The following LRIG1 variants were observed in gnomAD, a reference collection of about 807,000 sequenced individuals.
LRIG1 encodes leucine-rich repeats and immunoglobulin-like domains protein 1.
A neutral mutation model predicts 99.2 loss-of-function variants in LRIG1; 48 were observed. That is an observed-to-expected ratio of 0.48 (90% CI 0.38 to 0.62). The LOEUF (loss-of-function observed/expected upper bound fraction) is 0.62, where lower values mean the gene tolerates loss of function less well. Among genes scored for constraint, LRIG1 ranks in the 20% least tolerant of loss-of-function variants. The pLI, the probability that LRIG1 is intolerant of heterozygous loss-of-function variation, is 0.00. For synonymous variants in LRIG1, 772 were observed against 596.1 expected (o/e 1.29, Z -4.30); for missense variants, 1,646 against 1,434.4 (o/e 1.15, Z -2.38).
At chr3:66,381,732 T>C in intron 16 of LRIG1, 101 bp from the exon 17 acceptor site, 1 of 1,345,942 alleles carries the variant, frequency 7.4e-7, no homozygotes, top group Admixed American at 2.1e-5. Flanking sequence ...TCATTTTTTT[T>C]AAAAAGTTCT....
At chr3:66,391,129 G>C (rs902901617) in intron 12 of LRIG1, among the ~76,000 whole-genome samples, 1 of 152,092 alleles carries the variant, frequency 6.6e-6, no homozygotes, top group Non-Finnish European at 1.5e-5. Flanking sequence ...TTACACTCAC[G>C]AGTACATCCA....
intron 3 of LRIG1, among the ~76,000 whole-genome samples, chr3:66,423,706 T>C (rs1702890662): frequency 6.6e-6 from 1 of 152,226 alleles, no homozygotes; most frequent in African/African-American, 2.4e-5. Flanking sequence ...CTTCCTGCTG[T>C]GGAACATGGC....
intron 1 of LRIG1, among the ~76,000 whole-genome samples, chr3:66,483,058 C>T (rs541607078): frequency 6.6e-6 from 1 of 152,130 alleles, no homozygotes; most frequent in Non-Finnish European, 1.5e-5. Context: ...AGCACCCCCT[C>T]CAGCACCCCC....
chr3:66,496,028 A>T (rs1335981449), intron 1 of LRIG1, among the ~76,000 whole-genome samples: 1 of 152,194 alleles, frequency 6.6e-6, no homozygotes, highest in Non-Finnish European at 1.5e-5. Flanking sequence ...AGCTGGGGAG[A>T]TGGGACATGA....
At chr3:66,444,778 C>T (rs1178337638) in intron 3 of LRIG1, among the ~76,000 whole-genome samples, 2 of 152,116 alleles carry the variant, frequency 1.3e-5, no homozygotes. Flanking sequence ...CCAGAAGAAA[C>T]AATCAGTTCA....
At chr3:66,412,807 A>G (rs896984060) in intron 6 of LRIG1, 64 bp downstream of exon 6, 2 of 1,583,786 alleles carry the variant, frequency 1.3e-6, no homozygotes, top group African/African-American at 1.3e-5. Context: ...ACACACACAC[A>G]CGCCACATCA....
intron 3 of LRIG1, among the ~76,000 whole-genome samples, chr3:66,420,725 A>G (rs1401052879): frequency 6.6e-6 from 1 of 152,226 alleles, no homozygotes; most frequent in South Asian, 2.1e-4. Flanking sequence ...TATGTGAGGT[A>G]GCTAGAGTAG....
At chr3:66,401,507 G>C in intron 9 of LRIG1, 2 of 734,884 alleles carry the variant, frequency 2.7e-6, no homozygotes. Context: ...AATGAGGGCA[G>C]GCTGTTATTT....
chr3:66,409,849 C>G, intron 7 of LRIG1: 1 of 334,356 alleles, frequency 3.0e-6, no homozygotes, highest in Non-Finnish European at 5.5e-6. Flanking sequence ...CCAAACCCAA[C>G]AGGACCTTGG....
intron 6 of LRIG1, among the ~76,000 whole-genome samples, chr3:66,412,328 G>C (rs1370855165): frequency 6.6e-6 from 1 of 152,214 alleles, no homozygotes; most frequent in Non-Finnish European, 1.5e-5. Context: ...GAGAGGATGT[G>C]AGGAGGGGTC....
intron 8 of LRIG1, chr3:66,406,112 A>C (rs1162911246): frequency 1.0e-6 from 1 of 985,452 alleles, no homozygotes; most frequent in African/African-American, 1.7e-5. Flanking sequence ...TCCTGTGAGA[A>C]GCTGCAGCAG....
At chr3:66,480,951 T>C (rs1348279306) in intron 1 of LRIG1, among the ~76,000 whole-genome samples, 1 of 152,180 alleles carries the variant, frequency 6.6e-6, no homozygotes, top group East Asian at 1.9e-4. Context: ...GATTTGAGAA[T>C]AATAGCATGC....
At chr3:66,398,839 G>C in intron 10 of LRIG1, 131 bp downstream of exon 10, 2 of 728,052 alleles carry the variant, frequency 2.7e-6, no homozygotes, top group Non-Finnish European at 4.7e-6. Flanking sequence ...GACATAATGA[G>C]AAGGAAGCAG....
chr3:66,459,149 A>G (rs939505797), intron 2 of LRIG1, among the ~76,000 whole-genome samples: 1 of 152,214 alleles, frequency 6.6e-6, no homozygotes, highest in South Asian at 2.1e-4. Context: ...TATATTTTTG[A>G]GACTCATAAC....
intron 1 of LRIG1, among the ~76,000 whole-genome samples, chr3:66,491,277 AG>A (rs1701095767): frequency 6.6e-6 from 1 of 152,238 alleles, no homozygotes; most frequent in African/African-American, 2.4e-5. Flanking sequence ...ACAGTATCTG[AG>A]ACATCACTTT....
At chr3:66,437,237 C>G (rs375133022) in intron 3 of LRIG1, among the ~76,000 whole-genome samples, 2 of 152,212 alleles carry the variant, frequency 1.3e-5, no homozygotes, top group Non-Finnish European at 2.9e-5. Flanking sequence ...CTCAAACAAG[C>G]GAGCAGAGAC....
At chr3:66,496,251 A>G (rs1701225001) in intron 1 of LRIG1, among the ~76,000 whole-genome samples, 2 of 152,230 alleles carry the variant, frequency 1.3e-5, no homozygotes, top group Non-Finnish European at 1.5e-5. Flanking sequence ...CATGTCCTAA[A>G]GGCAAGAGGG....
chr3:66,446,325 T>C (rs1368237646), intron 3 of LRIG1, among the ~76,000 whole-genome samples: 1 of 152,004 alleles, frequency 6.6e-6, no homozygotes. Flanking sequence ...GACACCGCGT[T>C]TCTTTCCTTC....
At position 66,403,981 on chromosome 3, in the gene LRIG1, C is replaced by T. The variant is rs112531838; in HGVS notation, c.1160+1217G>A. On this transcript the variant is annotated intron_variant, in intron 9 of 18. Coordinates refer to ENST00000273261, the MANE Select transcript of LRIG1 (RefSeq NM_015541.3). ...CTTCTGGCTCTTCCCAGGTTTGCCC[C>T]GTATGGGATAAAAAGGGGTCACGTA... Among the ~76,000 whole-genome samples the T allele has an allele frequency of 1.9e-3, 284 of 152,248 alleles. 1 individual carries two copies. Among genetic ancestry groups the T allele is most frequent in the African/African-American group, 6.1e-3 (254 of 41,548 alleles).
Sources: allele counts gnomAD v4.1 joint callset (sites outside exome capture counted in the v4.1 genomes callset), GRCh38; gene constraint gnomAD v4.1.1; transcripts MANE v1.5; gene names NCBI Gene and HGNC (gene_info 2026-07-23, HGNC 2026-07-21).